KCNG3: variants seen among roughly 807,000 people sequenced by gnomAD.
The protein encoded by KCNG3 is voltage-gated potassium channel regulatory subunit KCNG3.
In KCNG3, 15 loss-of-function variants were observed where a neutral mutation model predicts 29.0. The ratio of observed to expected loss-of-function variants is 0.52; its 90% CI spans 0.35 to 0.80. The LOEUF (loss-of-function observed/expected upper bound fraction) is 0.80. Ranked by LOEUF, KCNG3 falls within the 30% of genes least tolerant of loss-of-function variation. KCNG3 has a pLI of 0.01. For synonymous variants in KCNG3, 322 were observed against 248.9 expected (o/e 1.29, Z -2.76); for missense variants, 512 against 605.7 (o/e 0.85, Z 1.62).
intron 1 of KCNG3, among the ~76,000 whole-genome samples, chr2:42,464,919 C>A (rs1355460451): frequency 6.6e-6 from 1 of 152,034 alleles, no homozygotes; most frequent in Non-Finnish European, 1.5e-5. Flanking sequence ...AAAAAACAAA[C>A]AAAAAACACT....
the KCNG3 span, among the ~76,000 whole-genome samples, chr2:42,408,337 T>C: frequency 6.6e-6 from 1 of 152,152 alleles, no homozygotes; most frequent in Non-Finnish European, 1.5e-5. Context: ...TGGGAACTTG[T>C]GGTGCCTTTT....
At chr2:42,456,480 T>C (rs1292532626) in intron 1 of KCNG3, among the ~76,000 whole-genome samples, 1 of 152,082 alleles carries the variant, frequency 6.6e-6, no homozygotes, top group African/African-American at 2.4e-5. Flanking sequence ...TCGCACCATA[T>C]ATTCCAGCCT....
At chr2:42,390,586 A>C in the KCNG3 span, among the ~76,000 whole-genome samples, 1 of 152,208 alleles carries the variant, frequency 6.6e-6, no homozygotes, top group South Asian at 2.1e-4. Context: ...AAAAATTTTA[A>C]AACCCAGGGA....
chr2:42,421,038 C>T, the KCNG3 span, among the ~76,000 whole-genome samples: 1 of 152,076 alleles, frequency 6.6e-6, no homozygotes, highest in Non-Finnish European at 1.5e-5. Context: ...CGCTACCACA[C>T]AAAAATGACT....
chr2:42,485,773 C>T (rs889002529), intron 1 of KCNG3, among the ~76,000 whole-genome samples: 5 of 152,150 alleles, frequency 3.3e-5, no homozygotes, highest in African/African-American at 1.2e-4. Context: ...TAAAAAACAA[C>T]TTGTCTATAT....
At chr2:42,418,480 A>C in the KCNG3 span, among the ~76,000 whole-genome samples, 5 of 152,330 alleles carry the variant, frequency 3.3e-5, no homozygotes, top group African/African-American at 9.6e-5. Context: ...TGTTGAGTTC[A>C]ATCTGGAATG....
At chr2:42,447,015 T>C (rs938374492) in intron 1 of KCNG3, among the ~76,000 whole-genome samples, 34 of 150,916 alleles carry the variant, frequency 2.3e-4, no homozygotes, top group African/African-American at 7.6e-4. Flanking sequence ...GCCCAGGAGA[T>C]TGAGGCTGCA....
the KCNG3 span, among the ~76,000 whole-genome samples, chr2:42,429,401 C>T: frequency 2.7e-3 from 417 of 152,288 alleles, 2 homozygotes; most frequent in South Asian, 9.9e-3. Flanking sequence ...TGGCCTCTGC[C>T]CACAGAATGA....
chr2:42,473,131 C>A (rs1396790143), intron 1 of KCNG3, among the ~76,000 whole-genome samples: 1 of 149,442 alleles, frequency 6.7e-6, no homozygotes, highest in East Asian at 2.0e-4. Context: ...CTCCTGACCT[C>A]ATGATCCACC....
the KCNG3 span, among the ~76,000 whole-genome samples, chr2:42,424,127 G>A: frequency 9.2e-5 from 14 of 151,990 alleles, no homozygotes; most frequent in Non-Finnish European, 1.6e-4. Flanking sequence ...AAAGTAAAAC[G>A]GCTTATTTCA....
the KCNG3 span, among the ~76,000 whole-genome samples, chr2:42,396,213 A>T: frequency 1.3e-5 from 2 of 152,240 alleles, no homozygotes; most frequent in African/African-American, 4.8e-5. Flanking sequence ...ATCATTGCAA[A>T]TTCAAAAAAA....
chr2:42,480,758 TAAAAAAAAA>T (rs11338189), intron 1 of KCNG3, among the ~76,000 whole-genome samples: 5 of 122,692 alleles, frequency 4.1e-5, no homozygotes, highest in South Asian at 2.6e-4. Flanking sequence ...AACCCCATCT[TAAAAAAAAA>T]AAAAAAAAAA....
chr2:42,484,965 G>C (rs946990985), intron 1 of KCNG3, among the ~76,000 whole-genome samples: 7 of 152,136 alleles, frequency 4.6e-5, no homozygotes, highest in Non-Finnish European at 1.0e-4. Flanking sequence ...CACAGTAAAA[G>C]CACTAAGACT....
intron 1 of KCNG3, among the ~76,000 whole-genome samples, chr2:42,477,275 T>A (rs912184269): frequency 2.6e-5 from 4 of 151,262 alleles, no homozygotes; most frequent in African/African-American, 9.7e-5. Flanking sequence ...AATACACTAG[T>A]TACTCTTATG....
At chr2:42,473,927 G>A (rs1673357092) in intron 1 of KCNG3, among the ~76,000 whole-genome samples, 1 of 151,980 alleles carries the variant, frequency 6.6e-6, no homozygotes, top group African/African-American at 2.4e-5. Context: ...AGAGGCAGCT[G>A]GATCACTTGA....
chr2:42,414,241 T>C, the KCNG3 span, among the ~76,000 whole-genome samples: 2 of 152,250 alleles, frequency 1.3e-5, no homozygotes, highest in African/African-American at 4.8e-5. Context: ...TTAGTTGTCC[T>C]TTCAGTGAAG....
chr2:42,482,113 T>C (rs1356463481), intron 1 of KCNG3, among the ~76,000 whole-genome samples: 2 of 152,218 alleles, frequency 1.3e-5, no homozygotes, highest in Non-Finnish European at 2.9e-5. Flanking sequence ...GTTATGTATT[T>C]ATTTAATAGA....
At chr2:42,403,747 G>A in the KCNG3 span, among the ~76,000 whole-genome samples, 3 of 151,178 alleles carry the variant, frequency 2.0e-5, no homozygotes, top group African/African-American at 7.3e-5. Flanking sequence ...TTACAGGCGA[G>A]AGCCACCGTG....
chr2:42,402,717 T>C, the KCNG3 span, among the ~76,000 whole-genome samples: 6 of 152,202 alleles, frequency 3.9e-5, no homozygotes, highest in Non-Finnish European at 4.4e-5. Flanking sequence ...CTCACAATAT[T>C]TGGGCTCTGT....
Sources: allele counts gnomAD v4.1 joint callset (sites outside exome capture counted in the v4.1 genomes callset), GRCh38; gene constraint gnomAD v4.1.1; transcripts MANE v1.5; gene names NCBI Gene and HGNC (gene_info 2026-07-23, HGNC 2026-07-21).